The following DIPK1A variants were observed in gnomAD, a reference collection of about 807,000 sequenced individuals.
DIPK1A encodes the protein divergent protein kinase domain 1A.
A neutral mutation model predicts 40.8 loss-of-function variants in DIPK1A; 27 were observed. The observed-to-expected ratio is 0.66, with a 90% CI of 0.49 to 0.91. The LOEUF is 0.91. Among genes scored for constraint, DIPK1A ranks in the 40% least tolerant of loss-of-function variants. DIPK1A has a pLI of 0.00. For missense variants in DIPK1A, 412 were observed against 505.7 expected, an observed-to-expected ratio of 0.81 and a Z score of 1.78; for synonymous variants, 166 against 171.3, an observed-to-expected ratio of 0.97 and a Z score of 0.24.
At chr1:92,934,741 T>C (rs1000247586) in intron 1 of DIPK1A, among the ~76,000 whole-genome samples, 2 of 152,196 alleles carry the variant, frequency 1.3e-5, no homozygotes, top group Admixed American at 6.5e-5. Flanking sequence ...ATTCCTCTTC[T>C]TTTTCACTAA....
At chr1:92,904,695 A>T (rs1252209793) in intron 1 of DIPK1A, among the ~76,000 whole-genome samples, 2 of 152,006 alleles carry the variant, frequency 1.3e-5, no homozygotes, top group African/African-American at 4.8e-5. Context: ...TTATTTTTAA[A>T]TGTACAATAA....
rs773855879 is a variant in DIPK1A, at chr1:92,833,454, A to G, written c.475-420T>C. 1.2e-6 allele frequency: 2 copies of G among 1,614,098 alleles called. No homozygotes were observed. The highest frequency in any genetic ancestry group is 1.7e-5 in the Admixed American group (1 of 60,036). On this transcript the variant is annotated intron_variant, in intron 4 of 4. Coordinates refer to the DIPK1A transcript ENST00000615519. ...GATACCAAGTGAAATTTAGAAGACG[A>G]CGAGGTACTGTCACCTTTTTGTGTT...
At chr1:92,837,345 A>G (rs1687170535), downstream of DIPK1A, 1 of 919,844 alleles carries the variant, frequency 1.1e-6, no homozygotes. Context: ...TTGGTTGCAT[A>G]TGATGCGATA....
chr1:92,945,912 C>A (rs1021349464), intron 1 of DIPK1A, among the ~76,000 whole-genome samples: 6 of 152,184 alleles, frequency 3.9e-5, no homozygotes, highest in Non-Finnish European at 8.8e-5. Context: ...GATTTCAAAT[C>A]ATAATTCTGT....
chr1:92,941,565 T>C (rs1023820197), intron 1 of DIPK1A, among the ~76,000 whole-genome samples: 3 of 152,214 alleles, frequency 2.0e-5, no homozygotes, highest in African/African-American at 4.8e-5. Context: ...AAATTTTCAA[T>C]TGCCCTTTGT....
intron 1 of DIPK1A, among the ~76,000 whole-genome samples, chr1:92,935,379 T>G (rs1438883436): frequency 6.6e-6 from 1 of 152,218 alleles, no homozygotes; most frequent in South Asian, 2.1e-4. Flanking sequence ...GAACTATGTA[T>G]TTTAAGTCCC....
chr1:92,870,831 CT>C (rs1647808308), intron 2 of DIPK1A, among the ~76,000 whole-genome samples: 1 of 152,198 alleles, frequency 6.6e-6, no homozygotes, highest in Non-Finnish European at 1.5e-5. Flanking sequence ...CTTCCACTGA[CT>C]GGTCAGTGAG....
At chr1:92,840,980 C>A, downstream of DIPK1A, 1 of 412,592 alleles carries the variant, frequency 2.4e-6, no homozygotes, top group Non-Finnish European at 4.7e-6. Context: ...ATGTGATGGC[C>A]CACAAATACA....
At chr1:92,940,786 C>T (rs751713203) in intron 1 of DIPK1A, among the ~76,000 whole-genome samples, 5 of 152,184 alleles carry the variant, frequency 3.3e-5, no homozygotes, top group Admixed American at 6.5e-5. Context: ...GCGTCCTTGC[C>T]AGCATTTGGT....
chr1:92,872,335 GC>G (rs1647913898), intron 2 of DIPK1A, among the ~76,000 whole-genome samples: 2 of 151,838 alleles, frequency 1.3e-5, no homozygotes, highest in Admixed American at 1.3e-4. Context: ...GCCCACCTTG[GC>G]CTCCCAAAGT....
chr1:92,850,943 T>C lies in DIPK1A; in HGVS notation c.202A>G (p.Lys68Glu), dbSNP rs192133365. 8.1e-5 allele frequency: 126 copies of C among 1,562,832 alleles called. No homozygotes were observed. Among genetic ancestry groups the C allele is most frequent in the Non-Finnish European group, 1.0e-4 (118 of 1,153,068 alleles). ...GCAGGCCCATCAATAACTCCAGTCT[T>C]GTACTTGTCACACTAAAAACCAGGA... Reference protein sequence around the residue: ...DCKKIICDKYKTGVIDGPACN... With the variant: ...DCKKIICDKYETGVIDGPACN... Residue 68 changes from lysine (K) to glutamate (E), a missense_variant, in exon 3 of 5, where the codon AAG becomes GAG. Transcript: ENST00000370310.
intron 1 of DIPK1A, among the ~76,000 whole-genome samples, chr1:92,951,942 T>A (rs1440816735): frequency 9.5e-6 from 1 of 105,418 alleles, no homozygotes; most frequent in Non-Finnish European, 1.7e-5. Context: ...ACCCTCTCCT[T>A]CTCTGTATCA....
At position 92,842,790 on chromosome 1, in the gene DIPK1A, T is replaced by G. The variant is rs980665504; in HGVS notation, c.*593A>C. ...GTGTACTGTCAAGTATAAGATTTCT[T>G]GAAGTAAGCCACTTGAACCATTGTG... is the stretch of plus-strand genomic sequence containing the variant. On this transcript the variant is annotated 3_prime_UTR_variant, in exon 5 of 5. Coordinates refer to ENST00000370310, the MANE Select transcript of DIPK1A (RefSeq NM_001006605.5). The G allele has an allele frequency of 4.1e-6, 4 of 985,336 alleles. No homozygotes were observed. The highest frequency in any genetic ancestry group is 3.5e-5 in the African/African-American group (2 of 57,236). 61.0% of individuals were successfully genotyped at this position (985,336 alleles called of 1,614,324 possible). A position where few individuals can be genotyped will look rare whatever the true frequency, so the allele number is the denominator to read the frequency against.
chr1:92,876,926 C>A, intron 1 of DIPK1A: 1 of 926,182 alleles, frequency 1.1e-6, no homozygotes, highest in Non-Finnish European at 1.3e-6. Flanking sequence ...AGAAATTAAG[C>A]TCTACAGTCA....
intron 1 of DIPK1A, among the ~76,000 whole-genome samples, chr1:92,919,262 T>C (rs1380638777): frequency 1.3e-5 from 2 of 152,212 alleles, no homozygotes; most frequent in African/African-American, 4.8e-5. Flanking sequence ...TACCATTCTC[T>C]TAACTAAAAA....
intron 1 of DIPK1A, chr1:92,877,068 G>A (rs1300200335): frequency 1.0e-6 from 1 of 984,934 alleles, no homozygotes; most frequent in Admixed American, 6.1e-5. Flanking sequence ...ACTGGAGAAG[G>A]GTTAAGATAT....
At chr1:92,836,172 C>T (rs1171154965) in intron 4 of DIPK1A, 2 of 1,601,514 alleles carry the variant, frequency 1.2e-6, no homozygotes, top group South Asian at 1.1e-5. Flanking sequence ...CCAGCATTTA[C>T]ATTGGTTTCT....
chr1:92,903,048 A>T (rs938653276), intron 1 of DIPK1A, among the ~76,000 whole-genome samples: 12 of 152,052 alleles, frequency 7.9e-5, no homozygotes, highest in African/African-American at 2.9e-4. Context: ...ATAATGTTAC[A>T]CTGCTTTCTT....
rs755317830 is a variant in DIPK1A, at chr1:92,836,384, C to T, written c.475-3350G>A. Reference sequence around the variant, plus strand: ...GAGCTGTGGATGGAGGCTTGTCTATCCCTCACAGGTAAGAATACTATTTAA... The same window carrying T: ...GAGCTGTGGATGGAGGCTTGTCTATTCCTCACAGGTAAGAATACTATTTAA... On this transcript the variant is annotated intron_variant, in intron 4 of 4. Transcript: ENST00000615519. The T allele has an allele frequency of 5.0e-6, 8 of 1,614,032 alleles. No individual in the cohort carries two copies. Among genetic ancestry groups the T allele is most frequent in the South Asian group, 1.1e-5 (1 of 91,078 alleles).
Sources: allele counts gnomAD v4.1 joint callset (sites outside exome capture counted in the v4.1 genomes callset), GRCh38; gene constraint gnomAD v4.1.1; transcripts MANE v1.5; gene names NCBI Gene and HGNC (gene_info 2026-07-23, HGNC 2026-07-21).